Variants in GALNTL6 observed in about 807,000 individuals in gnomAD.
The protein encoded by GALNTL6 is polypeptide N-acetylgalactosaminyltransferase-like 6.
Under a neutral mutation model 73.7 loss-of-function variants are expected in GALNTL6, and 46 were observed. The ratio of observed to expected loss-of-function variants is 0.62; its 90% confidence interval spans 0.49 to 0.80. The LOEUF is 0.80. Ranked by LOEUF, GALNTL6 falls within the 30% of genes least tolerant of loss-of-function variation. GALNTL6 has a pLI of 0.00. For synonymous variants in GALNTL6, 259 were observed against 263.7 expected, an observed-to-expected ratio of 0.98 and a Z score of 0.17; for missense variants, 604 against 755.0, an observed-to-expected ratio of 0.80 and a Z score of 2.34.
chr4:171,841,490 C>T (rs1158238176), intron 2 of GALNTL6, among the ~76,000 whole-genome samples: 1 of 151,944 alleles, frequency 6.6e-6, no homozygotes, highest in African/African-American at 2.4e-5. Flanking sequence ...ACTTGAAAAA[C>T]ATAAACAACA....
chr4:172,302,808 CT>C lies in GALNTL6; in HGVS notation c.248-8796del, dbSNP rs552554584. ...AATTTCTTCTTGTTAATCTTGGTAA[CT>C]TTTTTTTTTAAGAAGGAATCTATTC... On this transcript the variant is annotated intron_variant, in intron 3 of 12. Transcript: ENST00000506823. Among the ~76,000 whole-genome samples the C allele has an allele frequency of 3.8e-3, 558 of 147,564 alleles. 5 individuals are homozygous for C. The highest frequency in any genetic ancestry group is 0.02 in the East Asian group (103 of 5,036).
chr4:172,387,834 T>C (rs1743526083), intron 5 of GALNTL6, among the ~76,000 whole-genome samples: 2 of 152,280 alleles, frequency 1.3e-5, no homozygotes, highest in South Asian at 4.1e-4. Context: ...TTGTTTTAAC[T>C]ATCCTGCCTC....
At chr4:172,925,229 A>G (rs778207456) in intron 8 of GALNTL6, among the ~76,000 whole-genome samples, 3 of 151,946 alleles carry the variant, frequency 2.0e-5, no homozygotes, top group Non-Finnish European at 4.4e-5. Context: ...AAAAAAATAA[A>G]TCGCAGGATT....
intron 2 of GALNTL6, among the ~76,000 whole-genome samples, chr4:171,949,134 T>A (rs333004): frequency 0.43 from 65,788 of 151,780 alleles, 16,040 homozygotes; most frequent in Admixed American, 0.56. Context: ...TGAACTTGAG[T>A]TTTTTATTCT....
At chr4:172,156,536 A>ATT (rs1734270818) in intron 2 of GALNTL6, among the ~76,000 whole-genome samples, 4 of 78,386 alleles carry the variant, frequency 5.1e-5, no homozygotes, top group African/African-American at 2.4e-4. Flanking sequence ...ATACATATAT[A>ATT]TATAATATAT....
chr4:172,928,295 A>G (rs1362374729), intron 8 of GALNTL6, among the ~76,000 whole-genome samples: 1 of 152,188 alleles, frequency 6.6e-6, no homozygotes, highest in African/African-American at 2.4e-5. Flanking sequence ...AGGTTTTCAA[A>G]TCTCAGTTCT....
chr4:171,992,001 T>C (rs536150423), intron 2 of GALNTL6, among the ~76,000 whole-genome samples: 1 of 152,014 alleles, frequency 6.6e-6, no homozygotes, highest in Admixed American at 6.5e-5. Context: ...TCAACAATTA[T>C]GGCAAAGTTT....
chr4:172,126,616 G>T (rs1285621814), intron 2 of GALNTL6, among the ~76,000 whole-genome samples: 1 of 152,126 alleles, frequency 6.6e-6, no homozygotes, highest in African/African-American at 2.4e-5. Flanking sequence ...TCCCACCAGA[G>T]ACTCACATCA....
chr4:172,074,318 CT>C (rs1731638632), intron 2 of GALNTL6, among the ~76,000 whole-genome samples: 1 of 152,114 alleles, frequency 6.6e-6, no homozygotes, highest in South Asian at 2.1e-4. Flanking sequence ...GTAAAACCTG[CT>C]TCAAAAGGTG....
chr4:171,826,269 C>T (rs1186295620), intron 2 of GALNTL6, among the ~76,000 whole-genome samples: 4 of 152,148 alleles, frequency 2.6e-5, no homozygotes, highest in African/African-American at 9.7e-5. Flanking sequence ...AGAACCACGA[C>T]TCATGTCATA....
At chr4:171,826,670 T>C (rs1734834465) in intron 2 of GALNTL6, among the ~76,000 whole-genome samples, 1 of 152,132 alleles carries the variant, frequency 6.6e-6, no homozygotes, top group African/African-American at 2.4e-5. Context: ...TTAGTCGTAT[T>C]ACTTGTTAGA....
chr4:172,830,142 A>G (rs1177894431), intron 7 of GALNTL6, among the ~76,000 whole-genome samples: 4 of 152,226 alleles, frequency 2.6e-5, no homozygotes, highest in Non-Finnish European at 5.9e-5. Flanking sequence ...TGCACATAGT[A>G]AAATAGATAA....
intron 2 of GALNTL6, among the ~76,000 whole-genome samples, chr4:172,176,354 A>AAAAAAAAAAAAAC (rs1734999376): frequency 6.7e-6 from 1 of 149,448 alleles, no homozygotes; most frequent in Non-Finnish European, 1.5e-5. Flanking sequence ...AAAAAAAAAA[A>AAAAAAAAAAAAAC]AAGAGTGTAT....
At chr4:171,986,741 A>G (rs1198825961) in intron 2 of GALNTL6, among the ~76,000 whole-genome samples, 1 of 152,142 alleles carries the variant, frequency 6.6e-6, no homozygotes, top group Non-Finnish European at 1.5e-5. Flanking sequence ...TGAATTGAAA[A>G]ACTAAATGGA....
chr4:172,944,037 A>G (rs1749037550), intron 9 of GALNTL6, among the ~76,000 whole-genome samples: 1 of 152,228 alleles, frequency 6.6e-6, no homozygotes, highest in Admixed American at 6.5e-5. Flanking sequence ...CAATTATAAC[A>G]TTTCTAGAAT....
intron 10 of GALNTL6, among the ~76,000 whole-genome samples, chr4:172,977,725 G>C (rs1047557395): frequency 6.6e-6 from 1 of 152,144 alleles, no homozygotes; most frequent in Non-Finnish European, 1.5e-5. Flanking sequence ...GGTGGGAAGA[G>C]GTGTTACTAG....
chr4:172,752,581 C>T (rs189558555), intron 5 of GALNTL6, among the ~76,000 whole-genome samples: 4 of 151,896 alleles, frequency 2.6e-5, no homozygotes, highest in African/African-American at 9.7e-5. Flanking sequence ...ATATTTTTTA[C>T]AATTATGTTT....
chr4:172,579,319 C>T (rs1737078002), intron 5 of GALNTL6, among the ~76,000 whole-genome samples: 1 of 152,132 alleles, frequency 6.6e-6, no homozygotes, highest in South Asian at 2.1e-4. Flanking sequence ...CCCTGCATTT[C>T]TAGTGATGTG....
At chr4:172,908,614 G>T (rs1265751067) in intron 8 of GALNTL6, among the ~76,000 whole-genome samples, 1 of 142,796 alleles carries the variant, frequency 7.0e-6, no homozygotes, top group Non-Finnish European at 1.5e-5. Context: ...GCGTGAGTGT[G>T]TGTGTGTGTG....
Sources: allele counts gnomAD v4.1 joint callset (sites outside exome capture counted in the v4.1 genomes callset), GRCh38; gene constraint gnomAD v4.1.1; transcripts MANE v1.5; gene names NCBI Gene and HGNC (gene_info 2026-07-23, HGNC 2026-07-21).